IK: variants seen among roughly 807,000 people sequenced by gnomAD.
The protein encoded by IK is protein Red.
Under a neutral mutation model 90.9 loss-of-function variants are expected in IK, and 47 were observed. The observed-to-expected ratio is 0.52, with a 90% CI of 0.41 to 0.66. The LOEUF (loss-of-function observed/expected upper bound fraction) is 0.66, where lower values mean the gene tolerates loss of function less well. IK is among the 30% of genes least tolerant of loss of function. The pLI is 0.00. For missense variants in IK, 385 were observed against 709.3 expected (o/e 0.54, Z 5.19); for synonymous variants, 201 against 227.5 (o/e 0.88, Z 1.05).
At position 140,660,918 on chromosome 5, in the gene IK, C is replaced by T. The variant is rs530219593; in HGVS notation, c.1413+103C>T. Reference sequence around the variant, plus strand: ...AAAATCTATCTCATTTACTGGGCCCCACCCTCCTTTAGCTGCAGCAGTAGA... The same window carrying T: ...AAAATCTATCTCATTTACTGGGCCCTACCCTCCTTTAGCTGCAGCAGTAGA... On this transcript the variant is annotated intron_variant, in intron 16 of 19. Transcript: ENST00000417647. The T allele has an allele frequency of 8.3e-6, 7 of 842,744 alleles. No homozygotes were observed. In the African/African-American group the frequency reaches 8.3e-5, roughly 10 times the overall value. The allele number at this position is 842,744 out of a possible 1,614,324, so 52.2% of individuals were successfully genotyped here. A position where few individuals can be genotyped will look rare whatever the true frequency, so the allele number is the denominator to read the frequency against.
rs764592946 is a variant in IK at position 140,651,759 on chromosome 5, C to G, written c.129C>G (p.Pro43=). ...NEDFRKLLMT[P]RAAPTSAPPS... Reference sequence around the variant, plus strand: ...ACTTCAGGAAACTTCTCATGACCCCCAGGGCTGCACCTACCTCTGCACCAC... The same window carrying G: ...ACTTCAGGAAACTTCTCATGACCCCGAGGGCTGCACCTACCTCTGCACCAC... The change falls in exon 3 of 20, where the codon CCC becomes CCG. Residue 43 remains proline (P), a synonymous_variant. Coordinates refer to ENST00000417647, the MANE Select transcript of IK (RefSeq NM_006083.4). 5 of 1,613,102 alleles carry G rather than the reference C, an allele frequency of 3.1e-6. No homozygotes were observed. Among genetic ancestry groups the G allele is most frequent in the Middle Eastern group, 1.7e-4 (1 of 6,060 alleles).
intron 15 of IK, 71 bp from the exon 16 acceptor site, chr5:140,660,687 G>T (rs1291345091): frequency 4.1e-6 from 5 of 1,217,494 alleles, no homozygotes; most frequent in Non-Finnish European, 1.2e-6. Flanking sequence ...TAACCTCTTA[G>T]TCGGGTAGGT....
rs952174574 is a variant in IK at position 140,661,767 on chromosome 5, A to T, written c.1502+59A>T. Reference sequence around the variant, plus strand: ...GAGGGGTGTGGGGATTTGGTGGAATAGTGCATATAAGGTTAGAGGGTGTGG... The same window carrying T: ...GAGGGGTGTGGGGATTTGGTGGAATTGTGCATATAAGGTTAGAGGGTGTGG... On this transcript the variant is annotated intron_variant, in intron 17 of 19. Transcript: ENST00000417647. This position sits in a 1 kb window ranked among gnomAD's most constrained non-coding sequence, Gnocchi z 4.2. 2.8e-6 allele frequency: 4 copies of T among 1,424,674 alleles called. No homozygotes were observed. The African/African-American group carries it at 5.6e-5, about 20-fold the overall frequency. The allele number at this position is 1,424,674 out of a possible 1,614,324, so 88.3% of individuals were successfully genotyped here.
chr5:140,654,637 G>A, intron 7 of IK, 44 bp from the exon 8 acceptor site: 2 of 1,582,232 alleles, frequency 1.3e-6, no homozygotes, highest in South Asian at 2.3e-5. Context: ...GGGACCTAAA[G>A]TTAGAGCACA....
At position 140,659,391 on chromosome 5, in the gene IK, G is replaced by A; in HGVS notation, c.1195+58G>A. 4 of 1,598,980 alleles carry A rather than the reference G, an allele frequency of 2.5e-6. No individual in the cohort carries two copies. In the South Asian group the frequency reaches 4.4e-5, roughly 18 times the overall value. Reference sequence around the variant, plus strand: ...CTAGCAGTCCTGCTTTCCCCTGGTAGGGCTCAGAGCTGGCAACGGTGGGAT... The same window carrying A: ...CTAGCAGTCCTGCTTTCCCCTGGTAAGGCTCAGAGCTGGCAACGGTGGGAT... On this transcript the variant is annotated intron_variant, in intron 13 of 19. Transcript: ENST00000417647.
rs1757510128 is a variant in IK at position 140,648,006 on chromosome 5, G to GT, written c.16+82_16+83insT. ...TTATTGTAGCTTCTGAGCTTAAGCC[G>GT]GGTGTGTGTGTGTGTGTGTGTGTGT... is the stretch of plus-strand genomic sequence containing the variant. On this transcript the variant is annotated intron_variant, in intron 1 of 19. Coordinates refer to ENST00000417647, the MANE Select transcript of IK (RefSeq NM_006083.4). 4.8e-6 allele frequency: 6 copies of GT among 1,249,612 alleles called. No homozygotes were observed. The Admixed American group carries it at 5.6e-5, about 12-fold the overall frequency. The allele number at this position is 1,249,612 out of a possible 1,614,324, so 77.4% of individuals were successfully genotyped here.
chr5:140,657,555 C>T lies in IK; in HGVS notation c.803C>T (p.Ala268Val), dbSNP rs749631304. Residue 268 changes from alanine (A) to valine (V), a missense_variant and splice_region_variant, in exon 10 of 20, where the codon GCC (alanine) becomes GTC (valine). Ala to Val is a moderately conservative substitution (Grantham distance 64, BLOSUM62 0). This residue lies in a region of IK where 33 missense variants were observed against 86.1 expected (regional missense o/e 0.38). Coordinates refer to ENST00000417647, the MANE Select transcript of IK (RefSeq NM_006083.4). ...RSKADCPTME[A>V]QTTLTTNDIV... Reference sequence around the variant, plus strand: ...ATTCTTGTTTCTTGGTATTTTCAGGCCCAGACCACACTGACCACAAATGAC... The same window carrying T: ...ATTCTTGTTTCTTGGTATTTTCAGGTCCAGACCACACTGACCACAAATGAC... The T allele has an allele frequency of 6.2e-7, 1 of 1,601,908 alleles. No homozygotes were observed. Among genetic ancestry groups the T allele is most frequent in the Non-Finnish European group, 8.5e-7 (1 of 1,175,252 alleles).
Position 140,660,126 on chromosome 5 carries a change from C to T in IK, c.1286C>T (p.Pro429Leu), listed in dbSNP as rs1212753472. The change falls in exon 15 of 20, where the codon CCA becomes CTA. Residue 429 changes from proline (P) to leucine (L), a missense_variant. By Grantham distance (98) the Pro-to-Leu change is moderately conservative. This residue lies in a region of IK where 139 missense variants were observed against 172.0 expected (regional missense o/e 0.81). Transcript: ENST00000417647. ...TTAACATAGCATATGCTGAAGAAGC[C>T]AGAAGACAAAAAGCAGCTGGGAGAT... ...GWEGTESLKK[P>L]EDKKQLGDFF... is the part of the protein sequence containing the mutation. The T allele has an allele frequency of 1.9e-6, 3 of 1,613,418 alleles. No individual in the cohort carries two copies. Among genetic ancestry groups the T allele is most frequent in the Non-Finnish European group, 2.5e-6 (3 of 1,179,580 alleles).
At chr5:140,654,428 T>C (rs1274484348) in intron 6 of IK, 88 bp from the exon 7 acceptor site, 1 of 987,440 alleles carries the variant, frequency 1.0e-6, no homozygotes, top group Non-Finnish European at 1.5e-6. Context: ...TTTAATATTA[T>C]ATTCTTAGTT....
intron 2 of IK, 64 bp downstream of exon 2, chr5:140,648,601 G>A: frequency 2.8e-6 from 4 of 1,448,714 alleles, no homozygotes; most frequent in African/African-American, 1.4e-5. Flanking sequence ...TGGTGGTGAT[G>A]GTGAAAGAAT....
chr5:140,662,133 G>A (rs1561981794), intron 18 of IK, 46 bp from the exon 19 acceptor site: 2 of 1,612,188 alleles, frequency 1.2e-6, no homozygotes, highest in Admixed American at 1.7e-5. Context: ...CCTCAGGTGA[G>A]CTTAGATGGG....
Position 140,660,292 on chromosome 5 carries a change from C to CTTCTTTTTTT in IK, c.1355+99_1355+100insCTTTTTTTTT, listed in dbSNP as rs1757781520. Reference sequence around the variant, plus strand: ...GATTCGCTAAGTCCCAGGGCTACTTCTTTTTTTTTTTTTTTTTTTTTTGGA... The same window carrying CTTCTTTTTTT: ...GATTCGCTAAGTCCCAGGGCTACTTCTTCTTTTTTTTTTTTTTTTTTTTTTTTTTTTTGGA... On this transcript the variant is annotated intron_variant, in intron 15 of 19. Transcript: ENST00000417647. 1.6e-5 allele frequency: 4 copies of CTTCTTTTTTT among 245,104 alleles called. No individual in the cohort carries two copies. The African/African-American group carries it at 2.1e-4, about 13-fold the overall frequency. 15.2% of individuals were successfully genotyped at this position (245,104 alleles called of 1,614,324 possible).
At chr5:140,657,526 T>C in intron 9 of IK, 28 bp from the exon 10 acceptor site, 1 of 1,480,204 alleles carries the variant, frequency 6.8e-7, no homozygotes, top group Non-Finnish European at 9.3e-7. Context: ...CTGAGTGGTT[T>C]AACATTCTTG....
At position 140,653,070 on chromosome 5, in the gene IK, G is replaced by A. The variant is rs1290572468; in HGVS notation, c.330G>A (p.Val110=). The change falls in exon 5 of 20, where the codon GTG becomes GTA. Residue 110 remains valine (V), a synonymous_variant. Coordinates refer to ENST00000417647, the MANE Select transcript of IK (RefSeq NM_006083.4). ...GTGCCAAGGAACGGAGAGATGGAGT[G>A]AACAAAGATTATGAAGAAACCGAGC... ...RDRAKERRDG[V]NKDYEETELI... The A allele has an allele frequency of 1.9e-6, 3 of 1,613,882 alleles. No homozygotes were observed. Among genetic ancestry groups the A allele is most frequent in the Non-Finnish European group, 2.5e-6 (3 of 1,179,864 alleles).
intron 19 of IK, 21 bp downstream of exon 19, chr5:140,662,234 T>C: frequency 6.2e-7 from 1 of 1,614,010 alleles, no homozygotes; most frequent in Non-Finnish European, 8.5e-7. Context: ...TTATTCTTCC[T>C]CTGTGGGACT....
In IK at chr5:140,655,831, C is replaced by A. The variant is rs1045383956; in HGVS notation, c.640C>A (p.Arg214Ser). 1 of 1,609,988 alleles carries A rather than the reference C, an allele frequency of 6.2e-7. No homozygotes were observed. Among genetic ancestry groups the A allele is most frequent in the African/African-American group, 1.3e-5 (1 of 74,890 alleles). The change falls in exon 9 of 20, where the codon CGC becomes AGC. Residue 214 changes from arginine (R) to serine (S), a missense_variant and splice_region_variant. Physicochemically the swap from Arg to Ser is moderately radical, Grantham distance 110. Coordinates refer to ENST00000417647, the MANE Select transcript of IK (RefSeq NM_006083.4). Reference sequence around the variant, plus strand: ...TGCTGCTCTTCTCCTTATTGTAGGCCGCAATGTTTACCGAATGCTTTTTAA... The same window carrying A: ...TGCTGCTCTTCTCCTTATTGTAGGCAGCAATGTTTACCGAATGCTTTTTAA... The part of the protein sequence containing the change: ...NKIEFKTRLG[R>S]NVYRMLFKSK...
In IK at chr5:140,659,179, C is replaced by A; in HGVS notation, c.1176+15C>A. 6.3e-7 allele frequency: 1 copy of A among 1,590,690 alleles called. No individual in the cohort carries two copies. Among genetic ancestry groups the A allele is most frequent in the Non-Finnish European group, 8.6e-7 (1 of 1,167,664 alleles). ...TAGATGATGAGGTGAGATGTGGGCC[C>A]TTAGTACCAGGTGATGGAGTTGCCC... On this transcript the variant is annotated intron_variant, in intron 12 of 19. Transcript: ENST00000417647.
intron 6 of IK, 41 bp downstream of exon 6, chr5:140,654,093 T>C: frequency 8.9e-7 from 1 of 1,117,990 alleles, no homozygotes; most frequent in Non-Finnish European, 1.4e-6. Context: ...ACTGTCGTGC[T>C]GAATGCTCTT....
chr5:140,656,125 TC>T (rs5871748), intron 9 of IK, 133 bp downstream of exon 9: 146,455 of 740,804 alleles, frequency 0.2, 15,470 homozygotes, highest in African/African-American at 0.21. Flanking sequence ...CTCAACTGAA[TC>T]CATTCACTTT....
Sources: gnomAD v4.1 joint callset for allele counts on GRCh38, gnomAD v4.1.1 for gene constraint, gnomAD v4.1.1 regional missense constraint, Gnocchi (gnomAD v3.1) non-coding constraint, MANE v1.5 for transcripts, NCBI Gene and HGNC (gene_info 2026-07-23, HGNC 2026-07-21) for gene names.